Variants in TSC22D1 observed in about 807,000 individuals in gnomAD.
The protein encoded by TSC22D1 is TSC22 domain family member 1, also known as TSC22 domain family protein 1.
In TSC22D1, 9 loss-of-function variants were observed where a neutral mutation model predicts 74.2. That is an observed-to-expected ratio of 0.12 (90% CI 0.07 to 0.21). The LOEUF (loss-of-function observed/expected upper bound fraction) is 0.21. TSC22D1 is among the 10% of genes least tolerant of loss of function. The probability of loss-of-function intolerance (pLI) is 1.00; values close to 1 mark genes in which losing one functional copy is unlikely to be tolerated. For synonymous variants in TSC22D1, 586 were observed against 492.5 expected (o/e 1.19, Z -2.51); for missense variants, 1,427 against 1,304.7 (o/e 1.09, Z -1.44).
At chr13:44,491,756 T>C (rs542492617) in intron 1 of TSC22D1, among the ~76,000 whole-genome samples, 2 of 152,294 alleles carry the variant, frequency 1.3e-5, no homozygotes, top group East Asian at 3.9e-4. Flanking sequence ...ACAAGCATTA[T>C]ATCAGCAAAA....
chr13:44,486,825 CA>C (rs2137946115), intron 1 of TSC22D1, among the ~76,000 whole-genome samples: 1 of 152,146 alleles, frequency 6.6e-6, no homozygotes, highest in East Asian at 1.9e-4. Context: ...TGGATAATTT[CA>C]AAACACTTTA....
chr13:44,443,805 C>T (rs1479980314), intron 1 of TSC22D1, among the ~76,000 whole-genome samples: 2 of 152,184 alleles, frequency 1.3e-5, no homozygotes, highest in East Asian at 3.8e-4. Flanking sequence ...GGGAAATATA[C>T]TGCTGAGTAC....
At chr13:44,516,547 C>G (rs1444044721) in intron 1 of TSC22D1, among the ~76,000 whole-genome samples, 1 of 152,056 alleles carries the variant, frequency 6.6e-6, no homozygotes, top group African/African-American at 2.4e-5. Flanking sequence ...CAAAGCACAC[C>G]AGTGACTGCA....
intron 1 of TSC22D1, chr13:44,452,930 CCT>C (rs1014141927): frequency 4.6e-5 from 7 of 152,302 alleles, no homozygotes; most frequent in Non-Finnish European, 7.3e-5. Flanking sequence ...GTTCACCTCC[CCT>C]GTTTCGATGA....
Position 44,489,911 on chromosome 13 carries a change from G to A in TSC22D1, c.2913-53816C>T, listed in dbSNP as rs149544921. Among the ~76,000 whole-genome samples, 692 of 152,072 alleles carry A rather than the reference G, an allele frequency of 4.6e-3. 3 individuals are homozygous for A. Among genetic ancestry groups the A allele is most frequent in the African/African-American group, 0.016 (647 of 41,464 alleles). On this transcript the variant is annotated intron_variant, in intron 1 of 2. Coordinates refer to ENST00000458659, the MANE Select transcript of TSC22D1 (RefSeq NM_183422.4). ...AAACCTAAGAGATGGATGGAATGTGGAACAGCTGGAACATTCACAGACACA... is the reference window on the plus strand; with the variant it reads ...AAACCTAAGAGATGGATGGAATGTGAAACAGCTGGAACATTCACAGACACA...
chr13:44,515,445 CTTT>C (rs879885981), intron 1 of TSC22D1, among the ~76,000 whole-genome samples: 2 of 142,286 alleles, frequency 1.4e-5, no homozygotes, highest in African/African-American at 5.1e-5. Context: ...TGAAAAAAAT[CTTT>C]TTTTTTTTTT....
chr13:44,536,064 A>C (rs1274807969), intron 1 of TSC22D1, among the ~76,000 whole-genome samples: 1 of 151,912 alleles, frequency 6.6e-6, no homozygotes, highest in East Asian at 1.9e-4. Context: ...TGTGCACAGA[A>C]TCTTTACTTT....
At chr13:44,484,164 A>G (rs183685861) in intron 1 of TSC22D1, among the ~76,000 whole-genome samples, 1 of 152,310 alleles carries the variant, frequency 6.6e-6, no homozygotes, top group Admixed American at 6.5e-5. Context: ...AAAAAGTAGG[A>G]ACAGGTTTTA....
At chr13:44,531,072 C>A (rs560221557) in intron 1 of TSC22D1, among the ~76,000 whole-genome samples, 85 of 152,178 alleles carry the variant, frequency 5.6e-4, no homozygotes, top group African/African-American at 1.8e-3. Context: ...TTGACAGAAC[C>A]TATAGAACTG....
intron 1 of TSC22D1, chr13:44,538,143 C>T: frequency 3.0e-6 from 3 of 985,276 alleles, no homozygotes; most frequent in Non-Finnish European, 3.6e-6. Flanking sequence ...CTGTAAACTA[C>T]TGTTTTGTGA....
At position 44,433,936 on chromosome 13, in the gene TSC22D1, A is replaced by G; in HGVS notation, c.*690T>C. On this transcript the variant is annotated 3_prime_UTR_variant, in exon 3 of 3. Transcript: ENST00000458659. ...AATCTGTACAACCTAAATAGTAGTTACAGTCCTCTATTGTACAAAATAGTT... is the reference window on the plus strand; with the variant it reads ...AATCTGTACAACCTAAATAGTAGTTGCAGTCCTCTATTGTACAAAATAGTT... The G allele has an allele frequency of 6.7e-7, 1 of 1,493,734 alleles. No individual in the cohort carries two copies. The allele number at this position is 1,493,734 out of a possible 1,614,324, so 92.5% of individuals were successfully genotyped here. A position where few individuals can be genotyped will look rare whatever the true frequency, so the allele number is the denominator to read the frequency against.
chr13:44,434,308 A>G lies in TSC22D1; in HGVS notation c.*318T>C, dbSNP rs1595071625. 1.5e-6 allele frequency: 2 copies of G among 1,372,166 alleles called. No individual in the cohort carries two copies. The highest frequency in any genetic ancestry group is 5.9e-5 in the East Asian group (2 of 33,802). The allele number at this position is 1,372,166 out of a possible 1,614,324, so 85.0% of individuals were successfully genotyped here. On this transcript the variant is annotated 3_prime_UTR_variant, in exon 3 of 3. Coordinates refer to ENST00000458659, the MANE Select transcript of TSC22D1 (RefSeq NM_183422.4). ...GAACCCTTGGAAGTGAGGGGTAGGG[A>G]GCCGGAAGGGATGGAAAGGCACACA...
chr13:44,496,561 T>C (rs1229646493), intron 1 of TSC22D1, among the ~76,000 whole-genome samples: 1 of 152,050 alleles, frequency 6.6e-6, no homozygotes, highest in African/African-American at 2.4e-5. Context: ...GGCAAGCGCC[T>C]GTAGTCCCAG....
chr13:44,505,766 T>C (rs556624243), intron 1 of TSC22D1, among the ~76,000 whole-genome samples: 1 of 152,340 alleles, frequency 6.6e-6, no homozygotes, highest in South Asian at 2.1e-4. Context: ...TATTGAATGC[T>C]TACTATGTAT....
intron 1 of TSC22D1, among the ~76,000 whole-genome samples, chr13:44,499,238 G>C (rs1312256385): frequency 6.6e-6 from 1 of 152,002 alleles, no homozygotes; most frequent in Non-Finnish European, 1.5e-5. Context: ...GATTCTTTTG[G>C]AATATTTTTC....
chr13:44,441,274 C>T (rs1447545056), intron 1 of TSC22D1, among the ~76,000 whole-genome samples: 1 of 152,152 alleles, frequency 6.6e-6, no homozygotes, highest in Non-Finnish European at 1.5e-5. Context: ...AATGAACACA[C>T]AGATTATCTA....
chr13:44,536,478 G>T (rs1358174131), intron 1 of TSC22D1, among the ~76,000 whole-genome samples: 1 of 151,730 alleles, frequency 6.6e-6, no homozygotes, highest in African/African-American at 2.4e-5. Flanking sequence ...GTCTTGATAA[G>T]ATTTAAAAAC....
At chr13:44,538,892 G>A (rs1361337281) in intron 1 of TSC22D1, 1 of 985,262 alleles carries the variant, frequency 1.0e-6, no homozygotes, top group East Asian at 1.1e-4. Context: ...AAGAAATCTG[G>A]GCAATTAAAG....
intron 1 of TSC22D1, among the ~76,000 whole-genome samples, chr13:44,455,631 T>C (rs1338781383): frequency 6.6e-6 from 1 of 152,226 alleles, no homozygotes; most frequent in African/African-American, 2.4e-5. Flanking sequence ...GAATCATCTG[T>C]CTACAAAATT....
Sources: allele counts gnomAD v4.1 joint callset (sites outside exome capture counted in the v4.1 genomes callset), GRCh38; gene constraint gnomAD v4.1.1; transcripts MANE v1.5; gene names NCBI Gene and HGNC (gene_info 2026-07-23, HGNC 2026-07-21).